Variants in SCN3A observed in about 807,000 individuals in gnomAD.
SCN3A encodes sodium channel protein type 3 subunit alpha.
SCN3A carries 60 observed loss-of-function variants against 187.6 expected under a neutral mutation model. That is an observed-to-expected ratio of 0.32 (90% CI 0.26 to 0.40). The LOEUF (loss-of-function observed/expected upper bound fraction) is 0.40. Ranked by LOEUF, SCN3A falls within the 10% of genes least tolerant of loss-of-function variation. SCN3A has a pLI of 1.00. For missense variants in SCN3A, 1,601 were observed against 2,428.2 expected (o/e 0.66, Z 7.16); for synonymous variants, 788 against 829.2 (o/e 0.95, Z 0.85).
intron 1 of SCN3A, chr2:165,195,480 A>G (rs966707238): frequency 6.6e-6 from 1 of 152,146 alleles, no homozygotes; most frequent in Non-Finnish European, 1.5e-5. Flanking sequence ...GAAAGTATTG[A>G]GTTCCCACAT....
At position 165,178,833 on chromosome 2, in the gene SCN3A, C is replaced by T. The variant is rs950144661; in HGVS notation, c.-50-2389G>A. 3.9e-5 allele frequency among the ~76,000 whole-genome samples: 6 copies of T among 151,928 alleles called. No homozygotes were observed. The South Asian group carries it at 6.2e-4, about 16-fold the overall frequency. ...ATTTATTTTGTGTTTTCTAAATTTA[C>T]GGGAGGCAGCACAAAATAAAACTAA... On this transcript the variant is annotated intron_variant, in intron 2 of 27. Coordinates refer to ENST00000283254, the MANE Select transcript of SCN3A (RefSeq NM_006922.4).
intron 2 of SCN3A, among the ~76,000 whole-genome samples, chr2:165,181,090 T>A (rs1690823800): frequency 6.6e-6 from 1 of 152,224 alleles, no homozygotes; most frequent in African/African-American, 2.4e-5. Context: ...GAAGAATTTG[T>A]TTCACATTTA....
At chr2:165,182,176 G>A (rs1690920938) in intron 2 of SCN3A, among the ~76,000 whole-genome samples, 1 of 152,020 alleles carries the variant, frequency 6.6e-6, no homozygotes, top group African/African-American at 2.4e-5. Context: ...AGGGCCCCAG[G>A]AATCCCCAGT....
intron 2 of SCN3A, among the ~76,000 whole-genome samples, chr2:165,185,428 G>A (rs892909889): frequency 6.6e-6 from 1 of 152,192 alleles, no homozygotes; most frequent in Admixed American, 6.5e-5. Flanking sequence ...GGGGACTTCA[G>A]TCAAGTCATT....
rs2105625429 is a variant in SCN3A at position 165,092,154 on chromosome 2, A to G, written c.4807+100T>C. On this transcript the variant is annotated intron_variant, in intron 27 of 27. Transcript: ENST00000283254. This position sits in a 1 kb window ranked among gnomAD's most constrained non-coding sequence, Gnocchi z 4.2. ...AGTGTTGAACTTTACATCTATATGC[A>G]TTATTATTCTCAGACCTAATTTCCA... 1.7e-6 allele frequency: 2 copies of G among 1,159,144 alleles called. No individual in the cohort carries two copies. Among genetic ancestry groups the G allele is most frequent in the African/African-American group, 1.5e-5 (1 of 65,938 alleles). 71.8% of individuals were successfully genotyped at this position (1,159,144 alleles called of 1,614,324 possible).
chr2:165,130,497 A>C, intron 16 of SCN3A: 1 of 584,614 alleles, frequency 1.7e-6, no homozygotes, highest in Non-Finnish European at 3.0e-6. Flanking sequence ...ATTTAAGTGC[A>C]AAAATAAAAA....
Position 165,164,444 on chromosome 2 carries a change from T to A in SCN3A, c.550A>T (p.Thr184Ser). The part of the protein sequence containing the change: ...LARGFCLEDF[T>S]FLRDPWNWLD... The stretch of plus-strand genomic sequence containing the variant: ...CAGTTCCATGGATCACGAAGAAACG[T>A]AAAATCTTCTAAGCAAAACCCTCTT... The change falls in exon 6 of 28, where the codon ACG (threonine) becomes TCG (serine). Residue 184 changes from threonine to serine, a missense_variant. Physicochemically the swap from Thr to Ser is moderately conservative, Grantham distance 58 (BLOSUM62 1). Coordinates refer to ENST00000283254, the MANE Select transcript of SCN3A (RefSeq NM_006922.4). 1 of 1,613,852 alleles carries A rather than the reference T, an allele frequency of 6.2e-7. No individual in the cohort carries two copies. The highest frequency in any genetic ancestry group is 8.5e-7 in the Non-Finnish European group (1 of 1,179,834).
At chr2:165,115,758 T>C (rs1036177105) in intron 18 of SCN3A, among the ~76,000 whole-genome samples, 183 bp from the exon 19 acceptor site, 6 of 152,190 alleles carry the variant, frequency 3.9e-5, no homozygotes, top group African/African-American at 1.4e-4. Context: ...ATAACGTGAC[T>C]ACTGACCTGA....
intron 11 of SCN3A, among the ~76,000 whole-genome samples, chr2:165,149,056 A>T (rs1166187330): frequency 1.3e-5 from 2 of 152,192 alleles, no homozygotes; most frequent in East Asian, 3.9e-4. Flanking sequence ...TTATATAGAC[A>T]CAAACACACA....
At chr2:165,139,715 A>G (rs374125391) in intron 13 of SCN3A, 107 bp from the exon 14 acceptor site, 7 of 1,384,662 alleles carry the variant, frequency 5.1e-6, no homozygotes, top group South Asian at 1.2e-5. Flanking sequence ...TCCAGGTAAG[A>G]ATTTTCAAGG....
Position 165,155,693 on chromosome 2 carries a change from C to T in SCN3A, c.1173+69G>A, listed in dbSNP as rs3731760. The T allele has an allele frequency of 0.72, 1,135,668 of 1,582,932 alleles. 408,245 individuals are homozygous for T. Among genetic ancestry groups the T allele is most frequent in the East Asian group, 0.82 (36,279 of 44,510 alleles). On this transcript the variant is annotated intron_variant, in intron 10 of 27. Coordinates refer to ENST00000283254, the MANE Select transcript of SCN3A (RefSeq NM_006922.4). ...GGGTTACAGGCATGAGCCACCACAC[C>T]CAGCCTATGCTTTTCATTTCATACA... is the stretch of plus-strand genomic sequence containing the variant.
At chr2:165,109,843 T>C (rs1317928821) in intron 21 of SCN3A, among the ~76,000 whole-genome samples, 2 of 152,156 alleles carry the variant, frequency 1.3e-5, no homozygotes, top group African/African-American at 4.8e-5. Context: ...AAATACGAAC[T>C]TCTTGCCATG....
chr2:165,096,244 T>G (rs1685358285), intron 24 of SCN3A, among the ~76,000 whole-genome samples: 2 of 152,128 alleles, frequency 1.3e-5, no homozygotes, highest in African/African-American at 4.8e-5. Context: ...ACCAATCTAA[T>G]GTCTTAGGAT....
chr2:165,192,921 C>T (rs945901590), intron 1 of SCN3A, among the ~76,000 whole-genome samples: 5 of 152,040 alleles, frequency 3.3e-5, no homozygotes, highest in Admixed American at 1.3e-4. Flanking sequence ...TTCTGTTCAA[C>T]GTGGTAGCCA....
intron 1 of SCN3A, among the ~76,000 whole-genome samples, chr2:165,196,463 T>C (rs1691965934): frequency 6.6e-6 from 1 of 152,090 alleles, no homozygotes; most frequent in Non-Finnish European, 1.5e-5. Context: ...TAAATACTAA[T>C]ACTAAATGAT....
intron 11 of SCN3A, among the ~76,000 whole-genome samples, chr2:165,150,238 A>T (rs539271885): frequency 6.0e-4 from 92 of 152,286 alleles, no homozygotes; most frequent in African/African-American, 2.2e-3. Context: ...GACTAGCCCT[A>T]GGTGGCCCCT....
intron 1 of SCN3A, among the ~76,000 whole-genome samples, chr2:165,190,951 C>T (rs564937175): frequency 2.0e-5 from 3 of 151,944 alleles, no homozygotes; most frequent in African/African-American, 7.2e-5. Context: ...GTATATATGG[C>T]TGGGACCCAA....
intron 5 of SCN3A, among the ~76,000 whole-genome samples, chr2:165,166,214 T>C (rs901854768): frequency 6.6e-5 from 10 of 152,164 alleles, no homozygotes; most frequent in Admixed American, 2.0e-4. Context: ...AATATGTGGG[T>C]ACATTTGGAA....
intron 11 of SCN3A, among the ~76,000 whole-genome samples, chr2:165,153,329 A>G (rs1269037039): frequency 6.6e-6 from 1 of 152,176 alleles, no homozygotes; most frequent in Non-Finnish European, 1.5e-5. Flanking sequence ...AAAGCATAAA[A>G]CTAACTTAAG....
Sources: allele counts gnomAD v4.1 joint callset (sites outside exome capture counted in the v4.1 genomes callset), GRCh38; gene constraint gnomAD v4.1.1; non-coding constraint Gnocchi (gnomAD v3.1); transcripts MANE v1.5; gene names NCBI Gene and HGNC (gene_info 2026-07-23, HGNC 2026-07-21).